Variants in MYZAP observed in about 807,000 individuals in gnomAD.
MYZAP encodes myocardial zonula adherens protein.
A neutral mutation model predicts 69.4 loss-of-function variants in MYZAP; 66 were observed. The ratio of observed to expected loss-of-function variants is 0.95; its 90% CI spans 0.78 to 1.17. MYZAP has a LOEUF of 1.17. MYZAP is among the 50% of genes most tolerant of loss of function. The pLI, the probability that MYZAP is intolerant of heterozygous loss-of-function variation, is 0.00. For synonymous variants in MYZAP, 256 were observed against 205.9 expected, an observed-to-expected ratio of 1.24 and a Z score of -2.09; for missense variants, 611 against 556.2, an observed-to-expected ratio of 1.10 and a Z score of -0.99.
rs766019015 is a variant in MYZAP at position 57,618,201 on chromosome 15, A to G, written c.318+13A>G. On this transcript the variant is annotated intron_variant, in intron 3 of 12. Coordinates refer to ENST00000267853, the MANE Select transcript of MYZAP (RefSeq NM_001018100.5). ...CTACATCAAAGATGTGAGCCATTTA[A>G]GAGTTTTTGCCCCCCACCTGTATTC... The G allele has an allele frequency of 1.2e-6, 2 of 1,612,142 alleles. No homozygotes were observed. Among genetic ancestry groups the G allele is most frequent in the Non-Finnish European group, 8.5e-7 (1 of 1,179,132 alleles).
At chr15:57,619,337 A>G (rs1264789416) in intron 3 of MYZAP, among the ~76,000 whole-genome samples, 1 of 152,162 alleles carries the variant, frequency 6.6e-6, no homozygotes, top group African/African-American at 2.4e-5. Context: ...CCTTTCAAAC[A>G]TAATTTTAAA....
chr15:57,641,698 T>G (rs1036962053), intron 10 of MYZAP, among the ~76,000 whole-genome samples: 1 of 152,254 alleles, frequency 6.6e-6, no homozygotes, highest in Non-Finnish European at 1.5e-5. Flanking sequence ...CTAATAATTT[T>G]TACTGCCTGA....
chr15:57,677,679 G>A (rs944111360), intron 12 of MYZAP, among the ~76,000 whole-genome samples: 6 of 152,192 alleles, frequency 3.9e-5, no homozygotes, highest in African/African-American at 7.2e-5. Context: ...ATGCAGAAGC[G>A]TTTTGTTCTT....
intron 8 of MYZAP, among the ~76,000 whole-genome samples, chr15:57,635,391 A>T (rs905157111): frequency 6.6e-6 from 1 of 152,132 alleles, no homozygotes; most frequent in South Asian, 2.1e-4. Flanking sequence ...CTTTAGCACG[A>T]CCCATTTTAT....
At chr15:57,680,048 A>T (rs372709862) in intron 12 of MYZAP, among the ~76,000 whole-genome samples, 2 of 152,124 alleles carry the variant, frequency 1.3e-5, no homozygotes, top group South Asian at 4.1e-4. Flanking sequence ...CTTGAAAAGG[A>T]TGATTTTGGT....
intron 10 of MYZAP, among the ~76,000 whole-genome samples, chr15:57,661,105 A>G (rs1346125): frequency 0.076 from 11,609 of 152,244 alleles, 569 homozygotes; most frequent in Middle Eastern, 0.16. Context: ...TCTCTGGAAG[A>G]TCTTCTGGCT....
intron 10 of MYZAP, among the ~76,000 whole-genome samples, chr15:57,641,005 C>A (rs761537289): frequency 1.3e-5 from 2 of 152,172 alleles, no homozygotes; most frequent in Non-Finnish European, 2.9e-5. Flanking sequence ...CCTTGGCCGT[C>A]GGGGCATAGT....
At chr15:57,616,138 A>G (rs1336520160) in intron 2 of MYZAP, among the ~76,000 whole-genome samples, 6 of 152,240 alleles carry the variant, frequency 3.9e-5, no homozygotes, top group African/African-American at 9.6e-5. Flanking sequence ...ATGGGATCAT[A>G]AAGTACTTAA....
At position 57,606,784 on chromosome 15, in the gene MYZAP, A is replaced by G. The variant is rs565209464; in HGVS notation, c.162+2429A>G. On this transcript the variant is annotated intron_variant, in intron 2 of 12. Coordinates refer to ENST00000267853, the MANE Select transcript of MYZAP (RefSeq NM_001018100.5). ...GATGACTATACAATTTTGTATATGA[A>G]CTATATATTACATATTATTGAATAA... 2.6e-5 allele frequency among the ~76,000 whole-genome samples: 4 copies of G among 152,350 alleles called. No individual in the cohort carries two copies. In the East Asian group the frequency reaches 7.7e-4, roughly 29 times the overall value.
chr15:57,601,111 C>G (rs2034382349), intron 1 of MYZAP, among the ~76,000 whole-genome samples: 1 of 151,816 alleles, frequency 6.6e-6, no homozygotes, highest in Non-Finnish European at 1.5e-5. Context: ...ATAAAAATAT[C>G]TAATATTCAT....
In MYZAP at chr15:57,620,997, T is replaced by C. The variant is rs565410001; in HGVS notation, c.319-611T>C. Among the ~76,000 whole-genome samples the C allele has an allele frequency of 2.2e-4, 32 of 148,158 alleles. No homozygotes were observed. The East Asian group carries it at 5.5e-3, about 25-fold the overall frequency. ...TATATAATTTTATGTAATTAATATA[T>C]ATTAGCATATATTTGATATATTCTA... On this transcript the variant is annotated intron_variant, in intron 3 of 12. Transcript: ENST00000267853.
At chr15:57,652,280 A>G (rs1049874413) in intron 10 of MYZAP, among the ~76,000 whole-genome samples, 1 of 152,118 alleles carries the variant, frequency 6.6e-6, no homozygotes, top group African/African-American at 2.4e-5. Flanking sequence ...CCCAAATGAG[A>G]TAATGTACCA....
At chr15:57,655,730 T>C (rs1444576530) in intron 10 of MYZAP, among the ~76,000 whole-genome samples, 1 of 152,236 alleles carries the variant, frequency 6.6e-6, no homozygotes, top group African/African-American at 2.4e-5. Flanking sequence ...AAGGCCCATA[T>C]TCACATATTC....
Position 57,592,062 on chromosome 15 carries a change from C to T in MYZAP, c.28C>T (p.Leu10=), listed in dbSNP as rs2033704434. The part of the protein sequence containing the change: MLRSTSTVT[L]LSGGAARTPG... The stretch of plus-strand genomic sequence containing the variant: ...GCTGCGCTCCACGTCCACGGTCACC[C>T]TGCTCTCGGGCGGCGCCGCCAGGAC... The change falls in exon 1 of 13, where the codon CTG becomes TTG. Residue 10 remains leucine (L), a synonymous_variant. Coordinates refer to ENST00000267853, the MANE Select transcript of MYZAP (RefSeq NM_001018100.5). 10 of 1,411,256 alleles carry T rather than the reference C, an allele frequency of 7.1e-6. No homozygotes were observed. The South Asian group carries it at 1.2e-4, about 17-fold the overall frequency. 87.4% of individuals were successfully genotyped at this position (1,411,256 alleles called of 1,614,324 possible). A position where few individuals can be genotyped will look rare whatever the true frequency, so the allele number is the denominator to read the frequency against.
At chr15:57,662,496 T>G (rs2038361899) in intron 11 of MYZAP, among the ~76,000 whole-genome samples, 1 of 152,222 alleles carries the variant, frequency 6.6e-6, no homozygotes, top group Non-Finnish European at 1.5e-5. Context: ...CTGGATCTGC[T>G]TCTTATCAGC....
intron 1 of MYZAP, among the ~76,000 whole-genome samples, chr15:57,601,923 T>C (rs1327232865): frequency 3.3e-5 from 5 of 152,138 alleles, no homozygotes; most frequent in African/African-American, 1.2e-4. Context: ...CAAAATGCAA[T>C]GCCTTGGAGG....
intron 10 of MYZAP, among the ~76,000 whole-genome samples, chr15:57,658,521 C>T (rs751584866): frequency 2.3e-4 from 35 of 152,178 alleles, no homozygotes; most frequent in Admixed American, 7.2e-4. Context: ...CCATCTCTCC[C>T]GACTACTTTT....
intron 10 of MYZAP, among the ~76,000 whole-genome samples, chr15:57,650,966 C>T (rs2037695873): frequency 6.6e-6 from 1 of 152,148 alleles, no homozygotes; most frequent in Admixed American, 6.5e-5. Flanking sequence ...TTATTAGCAC[C>T]AAGCCAAGAA....
intron 8 of MYZAP, 151 bp downstream of exon 8, chr15:57,633,892 G>A (rs2140445387): frequency 1.0e-6 from 1 of 964,218 alleles, no homozygotes; most frequent in Non-Finnish European, 1.4e-6. Context: ...AAAGTATAAG[G>A]AAGTCCAACA....
Sources: allele counts gnomAD v4.1 joint callset (sites outside exome capture counted in the v4.1 genomes callset), GRCh38; gene constraint gnomAD v4.1.1; transcripts MANE v1.5; gene names NCBI Gene and HGNC (gene_info 2026-07-23, HGNC 2026-07-21).